The following SYT5 variants were observed in gnomAD, a reference collection of about 807,000 sequenced individuals.
SYT5 encodes synaptotagmin-5.
A neutral mutation model predicts 36.0 loss-of-function variants in SYT5; 29 were observed. The ratio of observed to expected loss-of-function variants is 0.81; its 90% CI spans 0.60 to 1.10. The LOEUF (loss-of-function observed/expected upper bound fraction) is 1.10, where lower values mean the gene tolerates loss of function less well. SYT5 is among the 50% of genes least tolerant of loss of function. The pLI, the probability that SYT5 is intolerant of heterozygous loss-of-function variation, is 0.00. For missense variants in SYT5, 512 were observed against 516.0 expected (o/e 0.99, Z 0.08); for synonymous variants, 231 against 227.6 (o/e 1.02, Z -0.14).
intron 7 of SYT5, 28 bp from the exon 8 acceptor site, chr19:55,174,678 G>T: frequency 1.9e-6 from 3 of 1,613,820 alleles, no homozygotes; most frequent in Non-Finnish European, 2.5e-6. Context: ...GAGTCTTATA[G>T]CTCCCCACTG....
Position 55,174,630 on chromosome 19 carries a change from G to A in SYT5, c.847C>T (p.Leu283=), listed in dbSNP as rs369519456. The A allele has an allele frequency of 6.8e-6, 11 of 1,614,046 alleles. No individual in the cohort carries two copies. In the African/African-American group the frequency reaches 1.5e-4, roughly 22 times the overall value. The change falls in exon 8 of 9, where the codon CTG becomes TTG. Residue 283 remains leucine (L), a synonymous_variant. Coordinates refer to ENST00000354308, the MANE Select transcript of SYT5 (RefSeq NM_003180.3). ...GLSDPYVKVH[L]LQGGKKVRKK... is the part of the protein sequence containing the mutation. Reference sequence around the variant, plus strand: ...CGCACCTTTTTGCCGCCCTGCAGCAGGTGGACCTTGACGTATGGATCTGGG... The same window carrying A: ...CGCACCTTTTTGCCGCCCTGCAGCAAGTGGACCTTGACGTATGGATCTGGG...
At chr19:55,178,939 C>G in intron 2 of SYT5, 24 bp downstream of exon 2, 2 of 1,477,114 alleles carry the variant, frequency 1.4e-6, no homozygotes, top group East Asian at 5.0e-5. Flanking sequence ...TCTGCTCGGC[C>G]CCCCACCCCC....
chr19:55,178,831 C>G, intron 2 of SYT5, 132 bp downstream of exon 2: 1 of 864,394 alleles, frequency 1.2e-6, no homozygotes, highest in Non-Finnish European at 1.4e-6. Context: ...CATTCCAGTC[C>G]AGGATGACGA....
chr19:55,175,273 G>A lies in SYT5; in HGVS notation c.607C>T (p.Arg203Cys), dbSNP rs141073446. ...CGCACCTCCCCGATGGCGTCATTGC[G>A]AGAGAAGCGGTCGAAGTCGTACACC... is the stretch of plus-strand genomic sequence containing the variant. ...MAVYDFDRFS[R>C]NDAIGEVRVP... is the part of the protein sequence containing the mutation. The change falls in exon 6 of 9, where the codon CGC becomes TGC. Residue 203 changes from arginine to cysteine, a missense_variant. Coordinates refer to ENST00000354308, the MANE Select transcript of SYT5 (RefSeq NM_003180.3). The surrounding 1 kb of genome is among the most constrained non-coding windows in gnomAD (Gnocchi z 4.5). The A allele has an allele frequency of 4.4e-5, 71 of 1,600,420 alleles. No homozygotes were observed. The highest frequency in any genetic ancestry group is 8.1e-5 in the African/African-American group (6 of 74,320).
chr19:55,176,060 T>A lies in SYT5; in HGVS notation c.317A>T (p.Lys106Met). ...PSGPGQQVAD[K>M]HELGRLQYSL... is the part of the protein sequence containing the mutation. The stretch of plus-strand genomic sequence containing the variant: ...GTACTGCAGTCGTCCTAGCTCATGC[T>A]TGTCTGCCACCTGCTGCCCTGGCCC... Residue 106 changes from lysine to methionine, a missense_variant, in exon 4 of 9, where the codon AAG becomes ATG. By Grantham distance (95) the Lys-to-Met change is moderately conservative. Transcript: ENST00000354308. 3 of 1,614,206 alleles carry A rather than the reference T, an allele frequency of 1.9e-6. No homozygotes were observed. Among genetic ancestry groups the A allele is most frequent in the Non-Finnish European group, 2.5e-6 (3 of 1,180,042 alleles).
At chr19:55,178,111 G>A in intron 3 of SYT5, 85 bp downstream of exon 3, 1 of 1,469,352 alleles carries the variant, frequency 6.8e-7, no homozygotes, top group African/African-American at 1.4e-5. Context: ...TAGGACAGAA[G>A]GGAGCAGGGA....
chr19:55,179,002 C>T lies in SYT5; in HGVS notation c.40G>A (p.Asp14Asn). 6.3e-7 allele frequency: 1 copy of T among 1,594,758 alleles called. No individual in the cohort carries two copies. The highest frequency in any genetic ancestry group is 8.5e-7 in the Non-Finnish European group (1 of 1,171,164). The change falls in exon 2 of 9, where the codon GAC becomes AAC. Residue 14 changes from aspartate (D) to asparagine (N), a missense_variant. By Grantham distance (23) the Asp-to-Asn change is conservative. Coordinates refer to ENST00000354308, the MANE Select transcript of SYT5 (RefSeq NM_003180.3). The surrounding 1 kb of genome is among the most constrained non-coding windows in gnomAD (Gnocchi z 4.5). ...EPPTPGPPSPDTPPDSSRISH... is the reference protein window; with the variant it reads ...EPPTPGPPSPNTPPDSSRISH... ...ATGCGACTGGAGTCGGGAGGCGTGT[C>T]GGGCGATGGAGGCCCCGGGGTTGGG...
intron 2 of SYT5, among the ~76,000 whole-genome samples, chr19:55,178,753 A>ATTTTTTTTTTTTTTTTTTTT (rs5828614): frequency 4.0e-5 from 2 of 50,472 alleles, no homozygotes. Context: ...TCCGGTTTCG[A>ATTTTTTTTTTTTTTTTTTTT]TTTTTTTTTT....
intron 7 of SYT5, 28 bp from the exon 8 acceptor site, chr19:55,174,678 G>A: frequency 6.2e-7 from 1 of 1,613,820 alleles, no homozygotes; most frequent in Non-Finnish European, 8.5e-7. Flanking sequence ...GAGTCTTATA[G>A]CTCCCCACTG....
In SYT5 at chr19:55,175,371, C is replaced by A. The variant is rs1361471572; in HGVS notation, c.541-32G>T. On this transcript the variant is annotated intron_variant, in intron 5 of 8. Coordinates refer to ENST00000354308, the MANE Select transcript of SYT5 (RefSeq NM_003180.3). This position sits in a 1 kb window ranked among gnomAD's most constrained non-coding sequence, Gnocchi z 4.5. Reference sequence around the variant, plus strand: ...TGCACAGAGAATCCGCAGTAGAGAGCAGGAAGTCAGAGATAGGGTGAGGCA... The same window carrying A: ...TGCACAGAGAATCCGCAGTAGAGAGAAGGAAGTCAGAGATAGGGTGAGGCA... The A allele has an allele frequency of 6.7e-7, 1 of 1,503,574 alleles. No homozygotes were observed. The highest frequency in any genetic ancestry group is 2.3e-5 in the East Asian group (1 of 43,656). 93.1% of individuals were successfully genotyped at this position (1,503,574 alleles called of 1,614,324 possible). A position where few individuals can be genotyped will look rare whatever the true frequency, so the allele number is the denominator to read the frequency against.
rs1197068499 is a variant in SYT5, at chr19:55,179,739, C to A, written c.-46+378G>T. 3 of 153,494 alleles carry A rather than the reference C, an allele frequency of 2.0e-5. No homozygotes were observed. Among genetic ancestry groups the A allele is most frequent in the African/African-American group, 7.2e-5 (3 of 41,428 alleles). 9.5% of individuals were successfully genotyped at this position (153,494 alleles called of 1,614,324 possible). ...GCTGCCCGGTGCCTGTGCTGAGCCC[C>A]CTCATCCTTCTTGGCCTGTTGGTCT... On this transcript the variant is annotated intron_variant, in intron 1 of 8. Transcript: ENST00000354308. This position sits in a 1 kb window ranked among gnomAD's most constrained non-coding sequence, Gnocchi z 4.5.
Position 55,179,414 on chromosome 19 carries a change from G to C in SYT5, c.-45-328C>G, listed in dbSNP as rs925794928. ...CCGCGTTGCCCAGAGCAACAGCCGG[G>C]CTCCTCTCAAGCGGGGTGAGAGCAA... On this transcript the variant is annotated intron_variant, in intron 1 of 8. Coordinates refer to ENST00000354308, the MANE Select transcript of SYT5 (RefSeq NM_003180.3). This position sits in a 1 kb window ranked among gnomAD's most constrained non-coding sequence, Gnocchi z 4.5. 2.3e-5 allele frequency: 11 copies of C among 485,002 alleles called. No homozygotes were observed. The highest frequency in any genetic ancestry group is 8.7e-5 in the Admixed American group (2 of 22,980). 30.0% of individuals were successfully genotyped at this position (485,002 alleles called of 1,614,324 possible).
rs893127713 is a variant in SYT5 at position 55,179,149 on chromosome 19, C to G, written c.-45-63G>C. 6.5e-7 allele frequency: 1 copy of G among 1,538,258 alleles called. No individual in the cohort carries two copies. Among genetic ancestry groups the G allele is most frequent in the Non-Finnish European group, 8.7e-7 (1 of 1,146,610 alleles). On this transcript the variant is annotated intron_variant, in intron 1 of 8. Coordinates refer to ENST00000354308, the MANE Select transcript of SYT5 (RefSeq NM_003180.3). This position sits in a 1 kb window ranked among gnomAD's most constrained non-coding sequence, Gnocchi z 4.5. Reference sequence around the variant, plus strand: ...CCACGCACAACAAAGAACTCCAACTCCCATGAGGCCTTTGCGCGAACAGCC... The same window carrying G: ...CCACGCACAACAAAGAACTCCAACTGCCATGAGGCCTTTGCGCGAACAGCC...
Position 55,174,874 on chromosome 19 carries a change from C to A in SYT5, c.826+8G>T. 1.2e-6 allele frequency: 2 copies of A among 1,613,894 alleles called. No individual in the cohort carries two copies. Among genetic ancestry groups the A allele is most frequent in the South Asian group, 2.2e-5 (2 of 91,068 alleles). On this transcript the variant is annotated splice_region_variant and intron_variant, in intron 7 of 8. Coordinates refer to ENST00000354308, the MANE Select transcript of SYT5 (RefSeq NM_003180.3). The stretch of plus-strand genomic sequence containing the variant: ...CCCACACACCCCACTCCCTTGCTTC[C>A]CACACACCTGACAGTCCTCCTACGT...
Position 55,173,680 on chromosome 19 carries a change from A to C in SYT5, c.965T>G (p.Val322Gly). Reference protein sequence around the residue: ...FEVPCDQVQKVQVELTVLDYD... With the variant: ...FEVPCDQVQKGQVELTVLDYD... ...GTCCAGCACGGTCAGCTCCACCTGC[A>C]CCTTCTGGGGTGGGCGCGGGAGGAA... The change falls in exon 9 of 9, where the codon GTG (valine) becomes GGG (glycine). Residue 322 changes from valine (V) to glycine (G), a missense_variant. Transcript: ENST00000354308. The surrounding 1 kb of genome is among the most constrained non-coding windows in gnomAD (Gnocchi z 5.4). The C allele has an allele frequency of 7.1e-7, 1 of 1,406,388 alleles. No homozygotes were observed. Among genetic ancestry groups the C allele is most frequent in the Non-Finnish European group, 9.3e-7 (1 of 1,075,902 alleles). The allele number at this position is 1,406,388 out of a possible 1,614,324, so 87.1% of individuals were successfully genotyped here.
intron 8 of SYT5, chr19:55,174,123 CTTAGGAGT>C: frequency 9.7e-6 from 2 of 206,428 alleles, no homozygotes; most frequent in South Asian, 1.2e-4. Flanking sequence ...TCTGGTCCCG[CTTAGGAGT>C]GGGGCATCCT....
chr19:55,178,322 G>A lies in SYT5; in HGVS notation c.126C>T (p.Leu42=), dbSNP rs1444109670. 6.2e-7 allele frequency: 1 copy of A among 1,612,010 alleles called. No homozygotes were observed. The highest frequency in any genetic ancestry group is 1.1e-5 in the South Asian group (1 of 90,324). ...LATIVLVSGL[L]IFSCCFCLYR... is the part of the protein sequence containing the mutation. ...AGAGACAGAAACAGCAGCTGAAGAT[G>A]AGGAGGCCTGAGACCAGCACGATGG... The change falls in exon 3 of 9, where the codon CTC becomes CTT. Residue 42 remains leucine (L), a synonymous_variant. Coordinates refer to ENST00000354308, the MANE Select transcript of SYT5 (RefSeq NM_003180.3).
chr19:55,174,654 G>A lies in SYT5; in HGVS notation c.827-4C>T, dbSNP rs200737964. ...AGGTGGACCTTGACGTATGGATCTG[G>A]GGAGAGGAAGGAGGAGTCTTATAGC... On this transcript the variant is annotated splice_region_variant and splice_polypyrimidine_tract_variant and intron_variant, in intron 7 of 8. Transcript: ENST00000354308. 1.2e-6 allele frequency: 2 copies of A among 1,613,956 alleles called. No homozygotes were observed. Among genetic ancestry groups the A allele is most frequent in the South Asian group, 1.1e-5 (1 of 91,068 alleles).
At chr19:55,178,435 A>G in intron 2 of SYT5, 67 bp from the exon 3 acceptor site, 1 of 1,492,256 alleles carries the variant, frequency 6.7e-7, no homozygotes, top group African/African-American at 1.4e-5. Flanking sequence ...AGTCCTGATT[A>G]CACGTGGAAG....
Sources: allele counts gnomAD v4.1 joint callset (sites outside exome capture counted in the v4.1 genomes callset), GRCh38; gene constraint gnomAD v4.1.1; non-coding constraint Gnocchi (gnomAD v3.1); transcripts MANE v1.5; gene names NCBI Gene and HGNC (gene_info 2026-07-23, HGNC 2026-07-21).